The following RMP24 variants were observed in gnomAD, a reference collection of about 807,000 sequenced individuals.
RMP24 encodes the protein ribonuclease MRP protein subunit p24.
the RMP24 span, among the ~76,000 whole-genome samples, chr18:35,977,952 T>G: frequency 6.6e-6 from 1 of 152,208 alleles, no homozygotes; most frequent in Admixed American, 6.5e-5. Context: ...TGAACACACC[T>G]TTCTGGACAT....
the RMP24 span, chr18:35,979,134 G>C: frequency 1.1e-6 from 1 of 898,976 alleles, no homozygotes; most frequent in Non-Finnish European, 1.6e-6. Context: ...GTGTTTATGG[G>C]GAAAATACCT....
At chr18:35,974,870 TGTGA>T in the RMP24 span, 2 of 1,586,894 alleles carry the variant, frequency 1.3e-6, no homozygotes, top group East Asian at 2.2e-5. Context: ...TTTGCTGAAT[TGTGA>T]GTTTCATTTG....
the RMP24 span, chr18:35,973,716 T>A: frequency 6.6e-6 from 1 of 151,672 alleles, no homozygotes; most frequent in African/African-American, 2.4e-5. Context: ...AGGCCAGGAG[T>A]TCGAGACCAA....
chr18:35,974,770 T>G, the RMP24 span: 1 of 862,484 alleles, frequency 1.2e-6, no homozygotes, highest in South Asian at 1.8e-5. Flanking sequence ...AATTTTCATA[T>G]TTTGAGTTTA....
chr18:35,972,866 G>A, the RMP24 span: 84 of 1,614,068 alleles, frequency 5.2e-5, no homozygotes, highest in Middle Eastern at 1.6e-4. Flanking sequence ...CTCCTCACAA[G>A]TCTCTTTCTC....
the RMP24 span, chr18:35,973,013 A>T: frequency 7.1e-7 from 1 of 1,408,094 alleles, no homozygotes. Context: ...CCTCCATAAA[A>T]ACAACAACAA....
the RMP24 span, chr18:35,973,337 C>A: frequency 4.1e-6 from 1 of 245,162 alleles, no homozygotes. Context: ...ATACTGAGGA[C>A]TTACAAATGT....
At chr18:35,975,621 G>A in the RMP24 span, among the ~76,000 whole-genome samples, 1 of 152,218 alleles carries the variant, frequency 6.6e-6, no homozygotes. Context: ...GGGGATATAA[G>A]ATGGAATAAA....
At chr18:35,978,976 A>G in the RMP24 span, 1 of 1,610,448 alleles carries the variant, frequency 6.2e-7, no homozygotes, top group Non-Finnish European at 8.5e-7. Context: ...GAAATTTCTT[A>G]TCTTCTCTGA....
At chr18:35,978,484 G>A in the RMP24 span, among the ~76,000 whole-genome samples, 7 of 152,260 alleles carry the variant, frequency 4.6e-5, no homozygotes, top group East Asian at 1.9e-4. Context: ...AGCGGCGTGC[G>A]CCTGTAGTCC....
chr18:35,974,030 C>G, the RMP24 span: 2 of 152,322 alleles, frequency 1.3e-5, no homozygotes, highest in African/African-American at 4.8e-5. Flanking sequence ...CGTACTCTTT[C>G]CTTCACGCAA....
the RMP24 span, among the ~76,000 whole-genome samples, chr18:35,977,251 C>T: frequency 6.6e-6 from 1 of 152,134 alleles, no homozygotes; most frequent in East Asian, 1.9e-4. Flanking sequence ...GTCTGATTCT[C>T]GCTACTAGAT....
the RMP24 span, among the ~76,000 whole-genome samples, chr18:35,976,890 A>G: frequency 6.6e-6 from 1 of 152,240 alleles, no homozygotes; most frequent in Admixed American, 6.5e-5. Context: ...TTTTAAATTA[A>G]ATACAAATGT....
chr18:35,972,974 C>T, the RMP24 span: 6 of 1,597,144 alleles, frequency 3.8e-6, no homozygotes, highest in Non-Finnish European at 5.2e-6. Flanking sequence ...TTCCGCACAA[C>T]GCTCAAATAA....
the RMP24 span, chr18:35,978,934 T>C: frequency 1.9e-6 from 3 of 1,613,262 alleles, no homozygotes; most frequent in East Asian, 2.2e-5. Context: ...TTAGTCAGAA[T>C]GAATCCCAAA....
At chr18:35,977,388 A>G in the RMP24 span, 1 of 1,594,004 alleles carries the variant, frequency 6.3e-7, no homozygotes, top group African/African-American at 1.4e-5. Flanking sequence ...GACGGGACTG[A>G]TATTTCTTAT....
the RMP24 span, chr18:35,972,743 C>G: frequency 6.2e-7 from 1 of 1,612,570 alleles, no homozygotes. Context: ...GACAGAAGCA[C>G]TACCTTGAGG....
At chr18:35,972,772 A>G in the RMP24 span, 2 of 1,613,960 alleles carry the variant, frequency 1.2e-6, no homozygotes, top group Middle Eastern at 1.7e-4. Flanking sequence ...CGGGGACTGC[A>G]CGACAGCTGC....
At chr18:35,976,138 A>ATTTTT in the RMP24 span, among the ~76,000 whole-genome samples, 69 of 72,764 alleles carry the variant, frequency 9.5e-4, 3 homozygotes, top group African/African-American at 1.3e-3. Flanking sequence ...TGTTTTTCTG[A>ATTTTT]TTTTTTTTTT....
Sources: allele counts gnomAD v4.1 joint callset (sites outside exome capture counted in the v4.1 genomes callset), GRCh38; gene constraint gnomAD v4.1.1; transcripts MANE v1.5; gene names NCBI Gene and HGNC (gene_info 2026-07-23, HGNC 2026-07-21).